PPP2R5C: variants seen among roughly 807,000 people sequenced by gnomAD.
PPP2R5C encodes the protein protein phosphatase 2 regulatory subunit B'gamma.
PPP2R5C carries 7 observed loss-of-function variants against 68.9 expected under a neutral mutation model. The observed-to-expected ratio is 0.10, with a 90% confidence interval of 0.06 to 0.19. The LOEUF is 0.19. Among genes scored for constraint, PPP2R5C ranks in the 10% least tolerant of loss-of-function variants. The probability of loss-of-function intolerance (pLI) is 1.00; values close to 1 mark genes in which losing one functional copy is unlikely to be tolerated. For missense variants in PPP2R5C, 348 were observed against 641.3 expected (o/e 0.54, Z 4.94); for synonymous variants, 210 against 222.2 (o/e 0.95, Z 0.49).
rs2037675583 is a variant in PPP2R5C at position 101,781,328 on chromosome 14, G to A, written c.94-4690G>A. On this transcript the variant is annotated intron_variant, in intron 2 of 14. Transcript: ENST00000328724. This position sits in a 1 kb window ranked among gnomAD's most constrained non-coding sequence, Gnocchi z 6.4. ...CTTCAGACCTTCCCCACCCTCCGAA[G>A]CCTCAACCCGCCCTGCGCCTCCCGG... is the stretch of plus-strand genomic sequence containing the variant. Among the ~76,000 whole-genome samples the A allele has an allele frequency of 6.6e-6, 1 of 152,166 alleles. No homozygotes were observed. The highest frequency in any genetic ancestry group is 2.4e-5 in the African/African-American group (1 of 41,442).
chr14:101,821,439 G>GT (rs1279780294), intron 1 of PPP2R5C, among the ~76,000 whole-genome samples: 272 of 133,252 alleles, frequency 2.0e-3, no homozygotes, highest in African/African-American at 6.8e-3. Flanking sequence ...TCCCTGTGGG[G>GT]GGTGGGTGGG....
chr14:101,797,025 C>T lies in PPP2R5C; in HGVS notation c.259+10842C>T. ...CATTCAAAATGCTGTACACCCATCA[C>T]TACTATCTCTACCCAAAACTTTTCA... On this transcript the variant is annotated intron_variant, in intron 3 of 14. Transcript: ENST00000328724. This position sits in a 1 kb window ranked among gnomAD's most constrained non-coding sequence, Gnocchi z 4.2. The T allele has an allele frequency of 2.5e-6, 1 of 407,376 alleles. No individual in the cohort carries two copies. Among genetic ancestry groups the T allele is most frequent in the Non-Finnish European group, 5.0e-6 (1 of 201,092 alleles). 25.2% of individuals were successfully genotyped at this position (407,376 alleles called of 1,614,324 possible). A position where few individuals can be genotyped will look rare whatever the true frequency, so the allele number is the denominator to read the frequency against.
At chr14:101,876,739 T>C (rs1408182823) in intron 2 of PPP2R5C, among the ~76,000 whole-genome samples, 1 of 152,204 alleles carries the variant, frequency 6.6e-6, no homozygotes, top group African/African-American at 2.4e-5. Flanking sequence ...TGGGGCCGTG[T>C]GAATCACATG....
At chr14:101,833,299 T>A (rs1595308592) in intron 1 of PPP2R5C, 3 of 152,488 alleles carry the variant, frequency 2.0e-5, no homozygotes, top group South Asian at 4.1e-4. Context: ...AGGGTTTTAA[T>A]TCGAGGTGGA....
chr14:101,761,086 G>A (rs548733832), upstream of PPP2R5C, among the ~76,000 whole-genome samples: 24 of 141,388 alleles, frequency 1.7e-4, no homozygotes, highest in African/African-American at 6.3e-4. Flanking sequence ...GAAGGGGAGG[G>A]GAGGGAAGGG....
intron 1 of PPP2R5C, among the ~76,000 whole-genome samples, chr14:101,837,603 T>G (rs2041194666): frequency 6.6e-6 from 1 of 151,998 alleles, no homozygotes. Flanking sequence ...TCCCTGGGAG[T>G]CCCTTGGGGC....
At chr14:101,851,835 T>C (rs1167174740) in intron 1 of PPP2R5C, among the ~76,000 whole-genome samples, 1 of 152,128 alleles carries the variant, frequency 6.6e-6, no homozygotes, top group Non-Finnish European at 1.5e-5. Context: ...CAGTTTCCTA[T>C]CCACAGTTTA....
At chr14:101,814,293 CTT>C (rs1172613699) in intron 1 of PPP2R5C, among the ~76,000 whole-genome samples, 1 of 152,222 alleles carries the variant, frequency 6.6e-6, no homozygotes, top group African/African-American at 2.4e-5. Flanking sequence ...TGCAAAGTGA[CTT>C]TATAGAACTA....
upstream of PPP2R5C, chr14:101,760,608 C>T: frequency 4.3e-6 from 3 of 703,218 alleles, no homozygotes; most frequent in Non-Finnish European, 4.9e-6. Flanking sequence ...CAGGAAAGGA[C>T]GGGACTGTCG....
Position 101,868,493 on chromosome 14 carries a change from G to C in PPP2R5C, c.294+11608G>C, listed in dbSNP as rs191446104. Among the ~76,000 whole-genome samples the C allele has an allele frequency of 5.2e-3, 790 of 152,236 alleles. 9 individuals carry two copies. Among genetic ancestry groups the C allele is most frequent in the Non-Finnish European group, 4.7e-3 (319 of 68,028 alleles). On this transcript the variant is annotated intron_variant, in intron 2 of 13. Coordinates refer to ENST00000334743, the Ensembl canonical transcript of PPP2R5C. ...TTCATGTTTATTGTATTTTCAGAAG[G>C]CTGCTGAGAAACTTTTGGGATGATG...
At chr14:101,818,964 C>CT in intron 1 of PPP2R5C, 1 of 1,486,298 alleles carries the variant, frequency 6.7e-7, no homozygotes, top group Non-Finnish European at 9.2e-7. Context: ...TAACTTATAA[C>CT]TTATGAAAAA....
intron 2 of PPP2R5C, among the ~76,000 whole-genome samples, chr14:101,872,122 C>T (rs1276633244): frequency 6.6e-6 from 1 of 151,144 alleles, no homozygotes; most frequent in African/African-American, 2.4e-5. Flanking sequence ...TTACCTTCTG[C>T]TTGAAGGACT....
chr14:101,874,476 A>G (rs113728949), intron 2 of PPP2R5C, among the ~76,000 whole-genome samples: 2,749 of 152,350 alleles, frequency 0.018, 75 homozygotes, highest in African/African-American at 0.063. Context: ...CCCAGAGTAA[A>G]TAACTTAAGA....
intron 2 of PPP2R5C, among the ~76,000 whole-genome samples, chr14:101,878,423 G>C (rs1208441746): frequency 1.3e-5 from 2 of 152,236 alleles, no homozygotes; most frequent in Non-Finnish European, 2.9e-5. Context: ...ACGGGGCCTA[G>C]CTGCTGGGCT....
chr14:101,809,404 AC>A (rs1202375969), upstream of PPP2R5C, among the ~76,000 whole-genome samples: 5 of 149,966 alleles, frequency 3.3e-5, no homozygotes, highest in Admixed American at 1.3e-4. Flanking sequence ...AAAAAAAAAA[AC>A]AAAAAAAAAA....
At chr14:101,774,397 C>G (rs753768847) in intron 2 of PPP2R5C, among the ~76,000 whole-genome samples, 2 of 152,214 alleles carry the variant, frequency 1.3e-5, no homozygotes, top group Non-Finnish European at 2.9e-5. Context: ...TACCAATGTT[C>G]TGCAGAGAAG....
chr14:101,880,080 G>A (rs375274831), intron 2 of PPP2R5C, among the ~76,000 whole-genome samples: 67 of 152,304 alleles, frequency 4.4e-4, no homozygotes, highest in East Asian at 1.5e-3. Flanking sequence ...GTCAATCACC[G>A]TTCTTTGGGA....
At chr14:101,808,570 C>A (rs1235233218), upstream of PPP2R5C, among the ~76,000 whole-genome samples, 3 of 152,156 alleles carry the variant, frequency 2.0e-5, no homozygotes, top group African/African-American at 7.2e-5. Context: ...GTAGCAGTTC[C>A]CTTACTCATT....
At position 101,883,304 on chromosome 14, in the gene PPP2R5C, A is replaced by G. The variant is rs2044277933; in HGVS notation, c.453A>G (p.Gln151=). ...GATTTTTAGAGTCTCCAGATTTCCAACCTAATATAGCGAAGAAATATATTG... is the reference window on the plus strand; with the variant it reads ...GATTTTTAGAGTCTCCAGATTTCCAGCCTAATATAGCGAAGAAATATATTG... Residue 151 remains glutamine (Q), a synonymous_variant, in exon 4 of 14, where the codon CAA becomes CAG. Transcript: ENST00000334743. 1.9e-6 allele frequency: 3 copies of G among 1,591,222 alleles called. No individual in the cohort carries two copies. The South Asian group carries it at 3.5e-5, about 18-fold the overall frequency.
Sources: gnomAD v4.1 joint callset for allele counts (sites outside exome capture counted in the v4.1 genomes callset) on GRCh38, gnomAD v4.1.1 for gene constraint, Gnocchi (gnomAD v3.1) non-coding constraint, MANE v1.5 for transcripts, NCBI Gene and HGNC (gene_info 2026-07-23, HGNC 2026-07-21) for gene names.